The following PCDH15 variants were observed in gnomAD, a reference collection of about 807,000 sequenced individuals.
PCDH15 encodes the protein protocadherin-15.
A neutral mutation model predicts 178.5 loss-of-function variants in PCDH15; 129 were observed. The ratio of observed to expected loss-of-function variants is 0.72; its 90% confidence interval spans 0.63 to 0.84. The LOEUF is 0.84. Ranked by LOEUF, PCDH15 falls within the 40% of genes least tolerant of loss-of-function variation. The probability of loss-of-function intolerance (pLI) is 0.00; values close to 1 mark genes in which losing one functional copy is unlikely to be tolerated. For missense variants in PCDH15, 2,230 were observed against 2,099.9 expected, an observed-to-expected ratio of 1.06 and a Z score of -1.21; for synonymous variants, 800 against 732.0, an observed-to-expected ratio of 1.09 and a Z score of -1.50.
rs777258227 is a variant in PCDH15 at position 54,791,961 on chromosome 10, A to G, written c.-29+8964T>C. Among the ~76,000 whole-genome samples the G allele has an allele frequency of 7.2e-5, 11 of 152,010 alleles. No homozygotes were observed. In the East Asian group the frequency reaches 1.2e-3, roughly 16 times the overall value. ...ATTAAGAAGCCCCTCTTGTTACAAC[A>G]CAAAAGCCCTGTACACAACACAATT... On this transcript the variant is annotated intron_variant, in intron 1 of 37. Transcript: ENST00000644397.
chr10:53,873,698 T>C (rs185058828), intron 26 of PCDH15, among the ~76,000 whole-genome samples: 3 of 152,270 alleles, frequency 2.0e-5, no homozygotes, highest in Admixed American at 2.0e-4. Flanking sequence ...AGACAATAAA[T>C]ATGCCAGTCA....
chr10:54,651,829 GA>G (rs1230291684), intron 2 of PCDH15, among the ~76,000 whole-genome samples: 1 of 152,120 alleles, frequency 6.6e-6, no homozygotes, highest in African/African-American at 2.4e-5. Flanking sequence ...CCTAATAGGT[GA>G]ATATTTAAAC....
intron 2 of PCDH15, among the ~76,000 whole-genome samples, chr10:55,373,894 G>T (rs1455188276): frequency 3.4e-5 from 5 of 146,018 alleles, no homozygotes; most frequent in African/African-American, 1.3e-4. Flanking sequence ...TGAACAATGA[G>T]AACACATGGA....
intron 1 of PCDH15, among the ~76,000 whole-genome samples, chr10:54,698,902 T>C (rs1417619239): frequency 6.6e-6 from 1 of 152,142 alleles, no homozygotes; most frequent in African/African-American, 2.4e-5. Context: ...CAGTCTTTGA[T>C]AATGATTATG....
At chr10:55,393,462 AGGGGAGAATGAACCCCCAT>A (rs1837848593) in intron 2 of PCDH15, among the ~76,000 whole-genome samples, 1 of 152,118 alleles carries the variant, frequency 6.6e-6, no homozygotes, top group Non-Finnish European at 1.5e-5. Context: ...TACAAAACTA[AGGGGAGAATGAACCCCCAT>A]GTAACAACTG....
rs555992210 is a variant in PCDH15 at position 53,958,241 on chromosome 10, C to G, written c.3122+1491G>C. Reference sequence around the variant, plus strand: ...TCAATTATTATCATCATCCAACTTTCAATTTTTCTTTGGATAGACTAAACT... The same window carrying G: ...TCAATTATTATCATCATCCAACTTTGAATTTTTCTTTGGATAGACTAAACT... On this transcript the variant is annotated intron_variant, in intron 23 of 37. Transcript: ENST00000644397. Among the ~76,000 whole-genome samples, 3 of 152,272 alleles carry G rather than the reference C, an allele frequency of 2.0e-5. No individual in the cohort carries two copies. In the South Asian group the frequency reaches 6.2e-4, roughly 32 times the overall value.
At chr10:55,532,398 T>C (rs1172590864) in intron 2 of PCDH15, among the ~76,000 whole-genome samples, 1 of 152,074 alleles carries the variant, frequency 6.6e-6, no homozygotes, top group Non-Finnish European at 1.5e-5. Flanking sequence ...ACTCAGTCGC[T>C]TCATTAATTC....
intron 2 of PCDH15, among the ~76,000 whole-genome samples, chr10:55,480,595 T>C (rs1460656519): frequency 6.6e-6 from 1 of 151,718 alleles, no homozygotes; most frequent in Non-Finnish European, 1.5e-5. Context: ...TAACCATGTG[T>C]TTGTTTTCTA....
At chr10:55,142,478 A>G (rs914255640) in intron 2 of PCDH15, among the ~76,000 whole-genome samples, 5 of 151,634 alleles carry the variant, frequency 3.3e-5, no homozygotes, top group Admixed American at 2.6e-4. Flanking sequence ...ATATGCACAT[A>G]TAAGTTAAAT....
chr10:54,053,568 T>C (rs2093822997), intron 18 of PCDH15, among the ~76,000 whole-genome samples: 1 of 152,128 alleles, frequency 6.6e-6, no homozygotes, highest in African/African-American at 2.4e-5. Context: ...CTGGAAAAGA[T>C]TATAGTGGCT....
chr10:54,090,091 T>A, intron 15 of PCDH15, 28 bp from the exon 16 acceptor site: 1 of 1,512,326 alleles, frequency 6.6e-7, no homozygotes, highest in Non-Finnish European at 9.2e-7. Context: ...AATTCAATTA[T>A]CAAGTAATTG....
rs546014807 is a variant in PCDH15 at position 54,117,268 on chromosome 10, C to T, written c.1917+15607G>A. Among the ~76,000 whole-genome samples the T allele has an allele frequency of 2.2e-5, 3 of 136,892 alleles. No individual in the cohort carries two copies. In the East Asian group the frequency reaches 6.0e-4, roughly 27 times the overall value. The allele number at this position is 136,892 out of a possible 152,430, so 89.8% of individuals were successfully genotyped here. A position where few individuals can be genotyped will look rare whatever the true frequency, so the allele number is the denominator to read the frequency against. ...ACAAGAGGGCAGGCAGCTCCAGGTGCCAGTATAGGAGGAAGGTCCATGTAA... is the reference window on the plus strand; with the variant it reads ...ACAAGAGGGCAGGCAGCTCCAGGTGTCAGTATAGGAGGAAGGTCCATGTAA... On this transcript the variant is annotated intron_variant, in intron 15 of 37. Transcript: ENST00000644397.
At position 53,806,843 on chromosome 10, in the gene PCDH15, T is replaced by A. The variant is rs924869016; in HGVS notation, c.4959A>T (p.Thr1653=). ...VTHEENVPLN[T]LSKGPFSTEK... ...CAGTAGAAAATGGCCCCTTTGATAA[T>A]GTGTTCAGAGGTACATTCTCCTCAT... Residue 1653 remains threonine (T), a synonymous_variant, in exon 38 of 38, where the codon ACA becomes ACT. Transcript: ENST00000644397. The A allele has an allele frequency of 1.2e-6, 2 of 1,613,744 alleles. No individual in the cohort carries two copies. Among genetic ancestry groups the A allele is most frequent in the African/African-American group, 2.7e-5 (2 of 74,884 alleles).
intron 3 of PCDH15, among the ~76,000 whole-genome samples, chr10:54,822,894 A>AT (rs1322789691): frequency 6.6e-6 from 1 of 151,802 alleles, no homozygotes; most frequent in Non-Finnish European, 1.5e-5. Context: ...TATTTATTTT[A>AT]TTTTTTAGAT....
chr10:54,826,520 CATAT>C (rs1953134564), intron 3 of PCDH15, among the ~76,000 whole-genome samples: 1 of 151,354 alleles, frequency 6.6e-6, no homozygotes, highest in Non-Finnish European at 1.5e-5. Context: ...GGAATACATA[CATAT>C]ATATGTATGT....
At chr10:55,530,675 T>C (rs1010014499) in intron 2 of PCDH15, among the ~76,000 whole-genome samples, 1 of 152,034 alleles carries the variant, frequency 6.6e-6, no homozygotes, top group Admixed American at 6.6e-5. Flanking sequence ...ATAAACATCA[T>C]TTATTTTCTT....
chr10:54,509,493 G>T (rs1157723765), intron 3 of PCDH15, among the ~76,000 whole-genome samples: 10 of 152,094 alleles, frequency 6.6e-5, no homozygotes, highest in Admixed American at 4.6e-4. Flanking sequence ...TCTTTGGAAA[G>T]ATAGCAAGTA....
intron 1 of PCDH15, among the ~76,000 whole-genome samples, chr10:55,310,890 G>A (rs1843568946): frequency 6.6e-6 from 1 of 152,158 alleles, no homozygotes; most frequent in South Asian, 2.1e-4. Context: ...GAGGGGCTAG[G>A]GGAGGGATAG....
At chr10:55,026,454 C>T (rs2131961171) in intron 2 of PCDH15, among the ~76,000 whole-genome samples, 1 of 151,982 alleles carries the variant, frequency 6.6e-6, no homozygotes, top group African/African-American at 2.4e-5. Context: ...TACTGGTTTT[C>T]AGATAGGGAC....
Sources: gnomAD v4.1 joint callset for allele counts (sites outside exome capture counted in the v4.1 genomes callset) on GRCh38, gnomAD v4.1.1 for gene constraint, MANE v1.5 for transcripts, NCBI Gene and HGNC (gene_info 2026-07-23, HGNC 2026-07-21) for gene names.